STXBP5L: variants seen among roughly 807,000 people sequenced by gnomAD.
STXBP5L encodes syntaxin binding protein 5L, also known as syntaxin-binding protein 5-like.
STXBP5L carries 65 observed loss-of-function variants against 144.5 expected under a neutral mutation model. The ratio of observed to expected loss-of-function variants is 0.45; its 90% CI spans 0.37 to 0.55. The LOEUF (loss-of-function observed/expected upper bound fraction) is 0.55. STXBP5L is among the 20% of genes least tolerant of loss of function. STXBP5L has a pLI of 0.00. For missense variants in STXBP5L, 1,298 were observed against 1,405.5 expected, an observed-to-expected ratio of 0.92 and a Z score of 1.22; for synonymous variants, 505 against 469.6, an observed-to-expected ratio of 1.08 and a Z score of -0.97.
At chr3:121,028,355 T>A (rs1946105352) in intron 3 of STXBP5L, among the ~76,000 whole-genome samples, 2 of 152,048 alleles carry the variant, frequency 1.3e-5, no homozygotes, top group Admixed American at 1.3e-4. Flanking sequence ...AATGGAAAAA[T>A]TAATTGGTAC....
intron 20 of STXBP5L, among the ~76,000 whole-genome samples, chr3:121,348,059 G>A (rs1396261713): frequency 6.6e-6 from 1 of 152,106 alleles, no homozygotes; most frequent in African/African-American, 2.4e-5. Context: ...AATGCTTCCA[G>A]TTTTTGCCCA....
At chr3:121,113,888 G>A (rs1003481302) in intron 5 of STXBP5L, among the ~76,000 whole-genome samples, 1 of 151,740 alleles carries the variant, frequency 6.6e-6, no homozygotes, top group Admixed American at 6.6e-5. Flanking sequence ...TGGCCAGGAT[G>A]GTCTTGATCT....
intron 5 of STXBP5L, among the ~76,000 whole-genome samples, chr3:121,067,213 A>G (rs1435958990): frequency 6.6e-6 from 1 of 152,066 alleles, no homozygotes; most frequent in East Asian, 1.9e-4. Context: ...TTTTAACTAG[A>G]TTAATGAGAT....
chr3:120,974,068 G>T (rs1463448171), intron 3 of STXBP5L, among the ~76,000 whole-genome samples: 3 of 152,094 alleles, frequency 2.0e-5, no homozygotes, highest in South Asian at 2.1e-4. Context: ...GTAATGGGAT[G>T]GCTGGGTCAA....
intron 10 of STXBP5L, among the ~76,000 whole-genome samples, chr3:121,209,496 A>G (rs916321994): frequency 6.6e-6 from 1 of 151,990 alleles, no homozygotes; most frequent in Non-Finnish European, 1.5e-5. Context: ...GGTTTGTTAC[A>G]TATGTATACA....
intron 20 of STXBP5L, among the ~76,000 whole-genome samples, chr3:121,346,845 G>A (rs1432658410): frequency 6.6e-6 from 1 of 152,172 alleles, no homozygotes; most frequent in African/African-American, 2.4e-5. Context: ...GTAGATTCTG[G>A]ATATTAGCCC....
At chr3:121,225,071 A>G (rs553072481) in intron 11 of STXBP5L, among the ~76,000 whole-genome samples, 2 of 152,214 alleles carry the variant, frequency 1.3e-5, no homozygotes, top group East Asian at 3.9e-4. Context: ...GGTAATGAGG[A>G]TGGAACTTTT....
chr3:121,309,418 A>G (rs1306394798), intron 19 of STXBP5L, among the ~76,000 whole-genome samples: 3 of 152,152 alleles, frequency 2.0e-5, no homozygotes, highest in Admixed American at 6.5e-5. Flanking sequence ...GACCTTTTAT[A>G]ATGATAAAAG....
chr3:121,108,258 G>C (rs1365556435), intron 5 of STXBP5L, among the ~76,000 whole-genome samples: 1 of 152,160 alleles, frequency 6.6e-6, no homozygotes, highest in Non-Finnish European at 1.5e-5. Context: ...TGTTGAATAG[G>C]AGTGGTGAGA....
At chr3:121,068,207 A>G (rs947703996) in intron 5 of STXBP5L, among the ~76,000 whole-genome samples, 18 of 152,134 alleles carry the variant, frequency 1.2e-4, no homozygotes, top group African/African-American at 4.3e-4. Flanking sequence ...ATGTGGTTTC[A>G]CCATGTTGGC....
intron 3 of STXBP5L, among the ~76,000 whole-genome samples, chr3:121,030,106 G>C (rs970276192): frequency 6.6e-6 from 1 of 152,140 alleles, no homozygotes; most frequent in Non-Finnish European, 1.5e-5. Context: ...CAACCATTGT[G>C]GAAGACAGTG....
intron 19 of STXBP5L, among the ~76,000 whole-genome samples, chr3:121,309,207 T>A (rs1353785979): frequency 5.9e-5 from 9 of 152,038 alleles, no homozygotes; most frequent in African/African-American, 1.7e-4. Context: ...AGACATAGAT[T>A]GTGAGACTTT....
At chr3:121,155,803 A>C (rs890826271) in intron 8 of STXBP5L, among the ~76,000 whole-genome samples, 1 of 151,938 alleles carries the variant, frequency 6.6e-6, no homozygotes, top group Non-Finnish European at 1.5e-5. Flanking sequence ...ATACTTCTTT[A>C]ATAGTACTGA....
In STXBP5L at chr3:121,183,286, T is replaced by C. The variant is rs1326384569; in HGVS notation, c.878-22637T>C. Reference sequence around the variant, plus strand: ...CTAGTCAGCATAATACCGGAAGTCATAGACAAAGCAATCAGACAAGAGAAT... The same window carrying C: ...CTAGTCAGCATAATACCGGAAGTCACAGACAAAGCAATCAGACAAGAGAAT... On this transcript the variant is annotated intron_variant, in intron 9 of 26. Coordinates refer to ENST00000471454, the MANE Select transcript of STXBP5L (RefSeq NM_001308330.2). Among the ~76,000 whole-genome samples, 8 of 152,186 alleles carry C rather than the reference T, an allele frequency of 5.3e-5. No homozygotes were observed. The South Asian group carries it at 6.2e-4, about 12-fold the overall frequency.
chr3:121,115,672 G>A (rs748468530), intron 6 of STXBP5L, among the ~76,000 whole-genome samples: 5 of 152,078 alleles, frequency 3.3e-5, no homozygotes, highest in Admixed American at 6.6e-5. Context: ...CTGAGACAAG[G>A]TAATTTATAT....
At chr3:121,022,643 G>A (rs972224822) in intron 3 of STXBP5L, among the ~76,000 whole-genome samples, 1 of 151,898 alleles carries the variant, frequency 6.6e-6, no homozygotes, top group Non-Finnish European at 1.5e-5. Context: ...ACATAAATAG[G>A]ATTAAAAACC....
At chr3:121,413,963 G>C (rs927132966) in intron 24 of STXBP5L, among the ~76,000 whole-genome samples, 1 of 152,018 alleles carries the variant, frequency 6.6e-6, no homozygotes, top group Admixed American at 6.6e-5. Flanking sequence ...TTGTATTTTG[G>C]CTCCTCCATT....
At chr3:120,989,440 A>G (rs1300425301) in intron 3 of STXBP5L, among the ~76,000 whole-genome samples, 1 of 152,146 alleles carries the variant, frequency 6.6e-6, no homozygotes, top group Non-Finnish European at 1.5e-5. Flanking sequence ...TTCCTTTGCA[A>G]AATGTCTGTT....
At chr3:121,341,108 C>T (rs986734717) in intron 20 of STXBP5L, among the ~76,000 whole-genome samples, 1 of 151,960 alleles carries the variant, frequency 6.6e-6, no homozygotes, top group South Asian at 2.1e-4. Context: ...GCAAACTACC[C>T]CTCTGACAAG....
Sources: allele counts gnomAD v4.1 joint callset (sites outside exome capture counted in the v4.1 genomes callset), GRCh38; gene constraint gnomAD v4.1.1; transcripts MANE v1.5; gene names NCBI Gene and HGNC (gene_info 2026-07-23, HGNC 2026-07-21).